CMTM8: variants seen among roughly 807,000 people sequenced by gnomAD.
CMTM8 encodes the protein CKLF-like MARVEL transmembrane domain-containing protein 8.
Under a neutral mutation model 18.6 loss-of-function variants are expected in CMTM8, and 12 were observed. The ratio of observed to expected loss-of-function variants is 0.65; its 90% CI spans 0.41 to 1.05. CMTM8 has a LOEUF of 1.05. Ranked by LOEUF, CMTM8 falls within the 50% of genes least tolerant of loss-of-function variation. CMTM8 has a pLI of 0.00. For missense variants in CMTM8, 217 were observed against 227.2 expected (o/e 0.95, Z 0.29); for synonymous variants, 87 against 90.6 (o/e 0.96, Z 0.23).
chr3:32,348,300 G>A (rs1696639333), intron 1 of CMTM8, among the ~76,000 whole-genome samples: 1 of 152,018 alleles, frequency 6.6e-6, no homozygotes, highest in African/African-American at 2.4e-5. Flanking sequence ...TAGGCAACCT[G>A]TTTGTTCTCT....
chr3:32,323,989 G>T (rs1360134797), intron 1 of CMTM8, among the ~76,000 whole-genome samples: 2 of 152,236 alleles, frequency 1.3e-5, no homozygotes, highest in Non-Finnish European at 2.9e-5. Context: ...CAACAACTCT[G>T]TAAAAAATTG....
intron 1 of CMTM8, among the ~76,000 whole-genome samples, chr3:32,305,145 G>A (rs187234657): frequency 3.3e-5 from 5 of 151,902 alleles, no homozygotes; most frequent in African/African-American, 1.2e-4. Flanking sequence ...TTCGAGTTGT[G>A]GCTTTATGGA....
intron 1 of CMTM8, among the ~76,000 whole-genome samples, chr3:32,265,034 G>A (rs1254945665): frequency 6.6e-6 from 1 of 152,056 alleles, no homozygotes; most frequent in East Asian, 1.9e-4. Context: ...GTCAACATTA[G>A]ACAGATCAAC....
chr3:32,346,202 G>C (rs755987253), intron 1 of CMTM8, among the ~76,000 whole-genome samples: 19 of 152,150 alleles, frequency 1.2e-4, no homozygotes, highest in Non-Finnish European at 1.9e-4. Flanking sequence ...GACATCAGTA[G>C]GGTGGTCAAA....
At chr3:32,259,768 G>C in intron 1 of CMTM8, 2 of 884,138 alleles carry the variant, frequency 2.3e-6, no homozygotes, top group Admixed American at 1.7e-5. Context: ...AGATTGAGGA[G>C]AGCACCACAG....
At chr3:32,312,862 T>C (rs957067548) in intron 1 of CMTM8, among the ~76,000 whole-genome samples, 4 of 151,870 alleles carry the variant, frequency 2.6e-5, no homozygotes, top group Non-Finnish European at 5.9e-5. Flanking sequence ...AGGGGCTTGT[T>C]ATTAAATAAC....
chr3:32,320,353 G>A (rs1276645575), intron 1 of CMTM8, among the ~76,000 whole-genome samples: 2 of 152,290 alleles, frequency 1.3e-5, no homozygotes, highest in East Asian at 1.9e-4. Flanking sequence ...ACAACTTTAA[G>A]CTGTATGAAA....
intron 1 of CMTM8, chr3:32,259,752 C>G (rs1702230339): frequency 1.1e-6 from 1 of 944,114 alleles, no homozygotes; most frequent in East Asian, 2.4e-5. Context: ...AAGTACTGGT[C>G]TCAGCAGATT....
At chr3:32,320,233 C>A (rs777758735) in intron 1 of CMTM8, among the ~76,000 whole-genome samples, 1 of 152,152 alleles carries the variant, frequency 6.6e-6, no homozygotes, top group East Asian at 1.9e-4. Flanking sequence ...TCCAAATGCC[C>A]GTCACCTGAT....
intron 2 of CMTM8, among the ~76,000 whole-genome samples, chr3:32,361,286 G>GTTTGTTTTTTTTTGTTTTTTTTTTT (rs140270969): frequency 2.3e-5 from 2 of 87,230 alleles, no homozygotes; most frequent in Non-Finnish European, 4.8e-5. Context: ...CAGCCTAAGA[G>GTTTGTTTTTTTTTGTTTTTTTTTTT]TTTTTTTTTC....
chr3:32,356,119 C>T (rs1696810397), intron 1 of CMTM8, among the ~76,000 whole-genome samples: 1 of 152,188 alleles, frequency 6.6e-6, no homozygotes, highest in Non-Finnish European at 1.5e-5. Context: ...TAGCAGGAAG[C>T]CCAGATATTG....
chr3:32,280,158 A>T (rs957471851), intron 1 of CMTM8, among the ~76,000 whole-genome samples: 1 of 152,154 alleles, frequency 6.6e-6, no homozygotes, highest in African/African-American at 2.4e-5. Flanking sequence ...GGCCATTCTC[A>T]GTCCAGTCAA....
At chr3:32,338,055 C>T (rs1696421685) in intron 1 of CMTM8, among the ~76,000 whole-genome samples, 1 of 147,566 alleles carries the variant, frequency 6.8e-6, no homozygotes, top group Non-Finnish European at 1.5e-5. Flanking sequence ...GCAATCTTGG[C>T]TCACTGCAAC....
At chr3:32,313,107 T>A (rs1695851124) in intron 1 of CMTM8, among the ~76,000 whole-genome samples, 1 of 151,934 alleles carries the variant, frequency 6.6e-6, no homozygotes, top group Admixed American at 6.6e-5. Context: ...GGCATGAACA[T>A]CTCTTGGAGG....
At chr3:32,345,425 G>A (rs1270985113) in intron 1 of CMTM8, among the ~76,000 whole-genome samples, 1 of 152,056 alleles carries the variant, frequency 6.6e-6, no homozygotes, top group African/African-American at 2.4e-5. Context: ...ATAGAAGCAA[G>A]CACTTTCCTT....
At chr3:32,245,245 A>G (rs1357688407) in intron 1 of CMTM8, among the ~76,000 whole-genome samples, 1 of 152,222 alleles carries the variant, frequency 6.6e-6, no homozygotes, top group Admixed American at 6.5e-5. Flanking sequence ...AAGAATTACT[A>G]AGAACCTGAC....
intron 1 of CMTM8, among the ~76,000 whole-genome samples, chr3:32,313,617 C>CTCTTGGAGAAATTGTTA (rs1695865633): frequency 6.6e-6 from 1 of 152,116 alleles, no homozygotes. Flanking sequence ...GCATCCAAAT[C>CTCTTGGAGAAATTGTTA]TCTTGGAGAA....
chr3:32,325,040 A>G (rs1189939804), intron 1 of CMTM8, among the ~76,000 whole-genome samples: 1 of 152,180 alleles, frequency 6.6e-6, no homozygotes, highest in Non-Finnish European at 1.5e-5. Context: ...TCCTGCTTTC[A>G]GGAAGAAAAG....
chr3:32,356,352 C>T (rs1459092127), intron 1 of CMTM8, among the ~76,000 whole-genome samples: 1 of 152,202 alleles, frequency 6.6e-6, no homozygotes, highest in Admixed American at 6.5e-5. Context: ...TTTTTTGTGA[C>T]TTAGGAATAA....
Sources: gnomAD v4.1 joint callset for allele counts (sites outside exome capture counted in the v4.1 genomes callset) on GRCh38, gnomAD v4.1.1 for gene constraint, MANE v1.5 for transcripts, NCBI Gene and HGNC (gene_info 2026-07-23, HGNC 2026-07-21) for gene names.